TBC1D5: variants seen among roughly 807,000 people sequenced by gnomAD.
TBC1D5 encodes the protein TBC1 domain family, member 5.
TBC1D5 carries 75 observed loss-of-function variants against 100.3 expected under a neutral mutation model. The observed-to-expected ratio is 0.75, with a 90% CI of 0.62 to 0.91. The LOEUF is 0.91. Among genes scored for constraint, TBC1D5 ranks in the 40% least tolerant of loss-of-function variants. The pLI, the probability that TBC1D5 is intolerant of heterozygous loss-of-function variation, is 0.00. For missense variants in TBC1D5, 910 were observed against 942.4 expected (o/e 0.97, Z 0.45); for synonymous variants, 323 against 325.6 (o/e 0.99, Z 0.09).
chr3:17,246,301 A>T (rs1184836556), intron 16 of TBC1D5, among the ~76,000 whole-genome samples: 1 of 152,244 alleles, frequency 6.6e-6, no homozygotes, highest in Non-Finnish European at 1.5e-5. Context: ...AGGATGAGAT[A>T]GCCCATGTTC....
At chr3:17,361,096 C>T (rs1024445308) in intron 13 of TBC1D5, among the ~76,000 whole-genome samples, 1 of 151,976 alleles carries the variant, frequency 6.6e-6, no homozygotes, top group African/African-American at 2.4e-5. Context: ...GTTTCTCAAA[C>T]CTCATATGTC....
chr3:17,279,849 C>T (rs569410454), intron 15 of TBC1D5, among the ~76,000 whole-genome samples: 23 of 152,300 alleles, frequency 1.5e-4, no homozygotes, highest in African/African-American at 5.5e-4. Context: ...TTGCACACCA[C>T]GGTTTAAGAT....
intron 1 of TBC1D5, among the ~76,000 whole-genome samples, chr3:17,657,329 CT>C (rs35431642): frequency 0.39 from 41,611 of 107,018 alleles, 7,337 homozygotes; most frequent in East Asian, 0.88. Flanking sequence ...CAAATTCTTT[CT>C]TTTTTTTTTT....
intron 9 of TBC1D5, among the ~76,000 whole-genome samples, chr3:17,379,153 C>G (rs533647185): frequency 6.6e-6 from 1 of 150,780 alleles, no homozygotes; most frequent in South Asian, 2.1e-4. Flanking sequence ...ATGTCATTAT[C>G]ATGTAGGTTA....
chr3:17,161,176 G>C (rs1012001368), exon 22 of TBC1D5: 2 of 1,614,014 alleles, frequency 1.2e-6, no homozygotes, highest in African/African-American at 2.7e-5. Flanking sequence ...CCCTGGCACT[G>C]CTCCCATCAT....
Position 17,302,273 on chromosome 3 carries a change from C to T in TBC1D5, c.1138+5719G>A, listed in dbSNP as rs113770606. Reference sequence around the variant, plus strand: ...ACCTCTGCTTCTGGCTGTCTTCACACGGCTTTCTTCTCCCTGTATATACCT... The same window carrying T: ...ACCTCTGCTTCTGGCTGTCTTCACATGGCTTTCTTCTCCCTGTATATACCT... On this transcript the variant is annotated intron_variant, in intron 14 of 21. Coordinates refer to ENST00000253692, the Ensembl canonical transcript of TBC1D5. 9.9e-3 allele frequency among the ~76,000 whole-genome samples: 1,319 copies of T among 132,602 alleles called. 10 individuals carry two copies. The highest frequency in any genetic ancestry group is 0.017 in the Non-Finnish European group (1,020 of 59,408). The allele number at this position is 132,602 out of a possible 152,430, so 87.0% of individuals were successfully genotyped here. A position where few individuals can be genotyped will look rare whatever the true frequency, so the allele number is the denominator to read the frequency against.
intron 1 of TBC1D5, among the ~76,000 whole-genome samples, chr3:17,710,663 A>G (rs2074630627): frequency 6.6e-6 from 1 of 151,924 alleles, no homozygotes; most frequent in South Asian, 2.1e-4. Flanking sequence ...GACAGGGTGA[A>G]GATTGTTTTC....
At chr3:17,181,503 A>G (rs1239935243) in intron 19 of TBC1D5, among the ~76,000 whole-genome samples, 2 of 152,256 alleles carry the variant, frequency 1.3e-5, no homozygotes, top group East Asian at 1.9e-4. Flanking sequence ...TGTCAAGTAC[A>G]TATGTGTCGA....
At chr3:17,706,859 C>CT (rs201583617) in intron 1 of TBC1D5, among the ~76,000 whole-genome samples, 34 of 147,466 alleles carry the variant, frequency 2.3e-4, no homozygotes, top group African/African-American at 5.2e-4. Context: ...TAAGAAAGAC[C>CT]TTTTTTTTTT....
At chr3:17,323,995 G>A (rs1316291103) in intron 13 of TBC1D5, among the ~76,000 whole-genome samples, 1 of 152,198 alleles carries the variant, frequency 6.6e-6, no homozygotes, top group Admixed American at 6.5e-5. Context: ...TAGATTGACA[G>A]AACAAAGTTT....
At chr3:17,200,097 T>C (rs1311708287) in intron 18 of TBC1D5, among the ~76,000 whole-genome samples, 1 of 152,218 alleles carries the variant, frequency 6.6e-6, no homozygotes, top group Non-Finnish European at 1.5e-5. Context: ...TTCTCTCTTT[T>C]CAAATATAGC....
intron 3 of TBC1D5, among the ~76,000 whole-genome samples, chr3:17,498,928 A>C (rs1356655594): frequency 6.6e-6 from 1 of 152,192 alleles, no homozygotes; most frequent in Non-Finnish European, 1.5e-5. Flanking sequence ...GTTATATAGC[A>C]AAGTAAGGGG....
At chr3:17,412,717 G>T (rs1407770516) in intron 4 of TBC1D5, among the ~76,000 whole-genome samples, 3 of 151,824 alleles carry the variant, frequency 2.0e-5, no homozygotes, top group East Asian at 3.9e-4. Context: ...AATCACTTAG[G>T]GTATATATTT....
intron 2 of TBC1D5, among the ~76,000 whole-genome samples, chr3:17,508,891 C>T (rs955462643): frequency 5.9e-5 from 9 of 152,030 alleles, no homozygotes; most frequent in African/African-American, 1.9e-4. Flanking sequence ...AAATTAAAGA[C>T]AATATTCTCA....
chr3:17,705,983 CT>C (rs34439427), intron 1 of TBC1D5: 22,370 of 1,181,584 alleles, frequency 0.019, no homozygotes, highest in Middle Eastern at 0.021. Context: ...TTTCTTTACT[CT>C]TTTTTTTTTT....
chr3:17,449,471 C>A (rs1477258723), intron 3 of TBC1D5, among the ~76,000 whole-genome samples: 1 of 152,198 alleles, frequency 6.6e-6, no homozygotes, highest in African/African-American at 2.4e-5. Flanking sequence ...GCCCAGCAAC[C>A]TAAGATCCAC....
chr3:17,737,730 A>C lies in TBC1D5; in HGVS notation c.-101+1613T>G, dbSNP rs575476946. On this transcript the variant is annotated intron_variant, in intron 1 of 21. Transcript: ENST00000253692. ...CATGTAGCCTTCATCACTAGCAAAA[A>C]AGTAAAGGTAAACACTCTTGTCTTA... Among the ~76,000 whole-genome samples the C allele has an allele frequency of 2.6e-5, 4 of 152,308 alleles. No homozygotes were observed. The South Asian group carries it at 8.3e-4, about 32-fold the overall frequency.
At chr3:17,734,111 C>CTGTAATAA (rs1162647804) in intron 1 of TBC1D5, among the ~76,000 whole-genome samples, 2 of 152,248 alleles carry the variant, frequency 1.3e-5, no homozygotes, top group East Asian at 3.9e-4. Flanking sequence ...GGGATATTAG[C>CTGTAATAA]TGTAATAATG....
At chr3:17,615,508 T>C (rs976107740) in intron 2 of TBC1D5, among the ~76,000 whole-genome samples, 1 of 152,234 alleles carries the variant, frequency 6.6e-6, no homozygotes, top group East Asian at 1.9e-4. Context: ...TGAATCCGTC[T>C]GGTCCTGGAC....
Sources: allele counts gnomAD v4.1 joint callset (sites outside exome capture counted in the v4.1 genomes callset), GRCh38; gene constraint gnomAD v4.1.1; transcripts MANE v1.5; gene names NCBI Gene and HGNC (gene_info 2026-07-23, HGNC 2026-07-21).